ZFAND6: variants seen among roughly 807,000 people sequenced by gnomAD.
The protein encoded by ZFAND6 is AN1-type zinc finger protein 6.
ZFAND6 carries 12 observed loss-of-function variants against 24.5 expected under a neutral mutation model. That is an observed-to-expected ratio of 0.49 (90% CI 0.31 to 0.79). ZFAND6 has a LOEUF of 0.79. Ranked by LOEUF, ZFAND6 falls within the 30% of genes least tolerant of loss-of-function variation. The probability of loss-of-function intolerance (pLI) is 0.04; values close to 1 mark genes in which losing one functional copy is unlikely to be tolerated. For synonymous variants in ZFAND6, 92 were observed against 81.5 expected, an observed-to-expected ratio of 1.13 and a Z score of -0.69; for missense variants, 207 against 245.9, an observed-to-expected ratio of 0.84 and a Z score of 1.06.
intron 2 of ZFAND6, among the ~76,000 whole-genome samples, chr15:80,106,046 C>T (rs1387107602): frequency 2.6e-5 from 4 of 152,102 alleles, no homozygotes; most frequent in African/African-American, 4.8e-5. Flanking sequence ...TGTTCTTGTA[C>T]CTACATTGAT....
At chr15:80,118,810 G>T (rs1400042057) in intron 2 of ZFAND6, among the ~76,000 whole-genome samples, 1 of 151,940 alleles carries the variant, frequency 6.6e-6, no homozygotes, top group Non-Finnish European at 1.5e-5. Flanking sequence ...ATTCAGTCAA[G>T]TGCATTATTG....
chr15:80,070,014 C>A (rs1272547090), intron 1 of ZFAND6, among the ~76,000 whole-genome samples: 1 of 152,130 alleles, frequency 6.6e-6, no homozygotes, highest in Non-Finnish European at 1.5e-5. Flanking sequence ...TCAACTACTA[C>A]AATAAACCAC....
At chr15:80,080,705 C>T (rs77013706) in intron 1 of ZFAND6, among the ~76,000 whole-genome samples, 6,024 of 152,258 alleles carry the variant, frequency 0.04, 181 homozygotes, top group Non-Finnish European at 0.065. Flanking sequence ...GTTCTTCAGG[C>T]TGTGCAGGAG....
chr15:80,087,345 C>T (rs2038067629), intron 1 of ZFAND6, among the ~76,000 whole-genome samples: 1 of 152,132 alleles, frequency 6.6e-6, no homozygotes, highest in African/African-American at 2.4e-5. Context: ...TAAATTTTAA[C>T]CATTTTAGTG....
At chr15:80,079,228 C>A (rs1300460803) in intron 1 of ZFAND6, among the ~76,000 whole-genome samples, 4 of 150,912 alleles carry the variant, frequency 2.7e-5, no homozygotes, top group Admixed American at 2.6e-4. Flanking sequence ...TCTTTCTTTC[C>A]TTTTTTTTTG....
chr15:80,082,909 C>A lies in ZFAND6; in HGVS notation c.-180-15507C>A, dbSNP rs188014951. Among the ~76,000 whole-genome samples the A allele has an allele frequency of 1.2e-4, 19 of 152,212 alleles. 1 individual carries two copies. The East Asian group carries it at 3.5e-3, about 28-fold the overall frequency. ...CCTTAATTTTCTTTTATAAAGTTTT[C>A]TCTGAGGTGGATATGGGATAGAAAA... On this transcript the variant is annotated intron_variant, in intron 1 of 6. Transcript: ENST00000261749.
At chr15:80,095,216 T>A (rs1224783564) in intron 1 of ZFAND6, among the ~76,000 whole-genome samples, 1 of 152,158 alleles carries the variant, frequency 6.6e-6, no homozygotes, top group Non-Finnish European at 1.5e-5. Flanking sequence ...TTGAAGAGAG[T>A]GACAGACCAT....
At chr15:80,135,799 A>T (rs1281013167) in intron 6 of ZFAND6, among the ~76,000 whole-genome samples, 5 of 152,120 alleles carry the variant, frequency 3.3e-5, no homozygotes, top group Admixed American at 3.3e-4. Context: ...GATGTTTCAG[A>T]TTTGCCCATA....
At chr15:80,065,006 T>C (rs1266270867) in intron 1 of ZFAND6, among the ~76,000 whole-genome samples, 1 of 143,868 alleles carries the variant, frequency 7.0e-6, no homozygotes, top group African/African-American at 2.7e-5. Flanking sequence ...CTCCCCCTTT[T>C]TTTTTTTTTT....
intron 5 of ZFAND6, among the ~76,000 whole-genome samples, chr15:80,129,240 A>G (rs949702547): frequency 5.3e-5 from 8 of 152,222 alleles, no homozygotes; most frequent in African/African-American, 1.9e-4. Flanking sequence ...TGATGTGTCT[A>G]TATTCTGTTT....
intron 1 of ZFAND6, among the ~76,000 whole-genome samples, chr15:80,094,496 G>A (rs72630426): frequency 0.057 from 7,495 of 131,100 alleles, 340 homozygotes; most frequent in East Asian, 0.27. Flanking sequence ...AAACACACAC[G>A]GAAAATTTGT....
At chr15:80,073,625 A>G (rs940075632) in intron 1 of ZFAND6, among the ~76,000 whole-genome samples, 14 of 152,052 alleles carry the variant, frequency 9.2e-5, no homozygotes, top group Admixed American at 5.9e-4. Context: ...ACAATAGTGT[A>G]ATAATAATGA....
At chr15:80,126,581 A>G (rs2040377890) in intron 5 of ZFAND6, among the ~76,000 whole-genome samples, 1 of 152,228 alleles carries the variant, frequency 6.6e-6, no homozygotes, top group African/African-American at 2.4e-5. Context: ...GAACAACTTC[A>G]TATCCACATT....
intron 2 of ZFAND6, among the ~76,000 whole-genome samples, chr15:80,103,501 T>C (rs1160939913): frequency 1.3e-5 from 2 of 152,232 alleles, no homozygotes; most frequent in African/African-American, 4.8e-5. Context: ...CTAGATATGC[T>C]CTGAAGTGTT....
At position 80,132,309 on chromosome 15, in the gene ZFAND6, CAT is replaced by C. The variant is rs548213522; in HGVS notation, c.478+1017_478+1018del. Among the ~76,000 whole-genome samples, 444 of 152,204 alleles carry C rather than the reference CAT, an allele frequency of 2.9e-3. 2 individuals are homozygous for C. The highest frequency in any genetic ancestry group is 4.8e-3 in the African/African-American group (200 of 41,522). Reference sequence around the variant, plus strand: ...TTAGGCATGTCTTGAATGTGTAAAACATGTGTAGATACTTGTGTATTTTATCA... The same window carrying C: ...TTAGGCATGTCTTGAATGTGTAAAACGTGTAGATACTTGTGTATTTTATCA... On this transcript the variant is annotated intron_variant, in intron 6 of 6. Transcript: ENST00000261749.
At chr15:80,076,358 A>AT (rs1039544296) in intron 1 of ZFAND6, among the ~76,000 whole-genome samples, 1 of 151,768 alleles carries the variant, frequency 6.6e-6, no homozygotes, top group Non-Finnish European at 1.5e-5. Flanking sequence ...TAAATTTTAA[A>AT]TTCAGTGTCT....
At chr15:80,091,896 T>C (rs1231242882) in intron 1 of ZFAND6, among the ~76,000 whole-genome samples, 3 of 152,124 alleles carry the variant, frequency 2.0e-5, no homozygotes, top group Non-Finnish European at 4.4e-5. Context: ...CACCTCAGCC[T>C]CCCAAAGTGC....
chr15:80,135,645 A>G (rs1320935815), intron 6 of ZFAND6, among the ~76,000 whole-genome samples: 1 of 152,268 alleles, frequency 6.6e-6, no homozygotes. Flanking sequence ...AATATCAAAG[A>G]TGCTTCAAGA....
chr15:80,074,713 T>C (rs559713840), intron 1 of ZFAND6, among the ~76,000 whole-genome samples: 9 of 151,956 alleles, frequency 5.9e-5, no homozygotes, highest in South Asian at 4.1e-4. Flanking sequence ...GCTAGACATA[T>C]GTTGTTTCTG....
Sources: allele counts gnomAD v4.1 joint callset (sites outside exome capture counted in the v4.1 genomes callset), GRCh38; gene constraint gnomAD v4.1.1; transcripts MANE v1.5; gene names NCBI Gene and HGNC (gene_info 2026-07-23, HGNC 2026-07-21).